The following DDAH1 variants were observed in gnomAD, a reference collection of about 807,000 sequenced individuals.
The protein encoded by DDAH1 is N(G),N(G)-dimethylarginine dimethylaminohydrolase 1.
Under a neutral mutation model 28.8 loss-of-function variants are expected in DDAH1, and 19 were observed. The observed-to-expected ratio is 0.66, with a 90% CI of 0.46 to 0.97. The LOEUF (loss-of-function observed/expected upper bound fraction) is 0.97, where lower values mean the gene tolerates loss of function less well. Among genes scored for constraint, DDAH1 ranks in the 50% least tolerant of loss-of-function variants. DDAH1 has a pLI of 0.00. For synonymous variants in DDAH1, 153 were observed against 154.4 expected (o/e 0.99, Z 0.07); for missense variants, 326 against 375.9 (o/e 0.87, Z 1.10).
chr1:85,385,242 A>T (rs1390645349), intron 1 of DDAH1, among the ~76,000 whole-genome samples: 1 of 152,226 alleles, frequency 6.6e-6, no homozygotes, highest in Non-Finnish European at 1.5e-5. Flanking sequence ...GAAACACAGA[A>T]CCATAGCTAT....
chr1:85,484,725 C>T (rs751268124), intron 2 of DDAH1, among the ~76,000 whole-genome samples: 2 of 152,096 alleles, frequency 1.3e-5, no homozygotes, highest in Non-Finnish European at 2.9e-5. Flanking sequence ...CACATTAATC[C>T]CTAAAAATAA....
intron 1 of DDAH1, among the ~76,000 whole-genome samples, chr1:85,519,517 G>C (rs1433004211): frequency 1.3e-5 from 2 of 152,098 alleles, no homozygotes; most frequent in South Asian, 2.1e-4. Flanking sequence ...AAGACAAATA[G>C]AATGTTTATT....
intron 1 of DDAH1, among the ~76,000 whole-genome samples, chr1:85,540,317 T>A (rs1185497746): frequency 1.3e-5 from 2 of 152,176 alleles, no homozygotes; most frequent in Non-Finnish European, 2.9e-5. Context: ...GCCTTGGCGT[T>A]GATTTCTGCT....
At chr1:85,398,962 T>A (rs950596311) in intron 1 of DDAH1, 1 of 152,202 alleles carries the variant, frequency 6.6e-6, no homozygotes, top group African/African-American at 2.4e-5. Context: ...GTACTAGTGA[T>A]CTCTTTTATA....
chr1:85,391,625 C>T (rs574942023), intron 1 of DDAH1, among the ~76,000 whole-genome samples: 1 of 152,306 alleles, frequency 6.6e-6, no homozygotes, highest in Non-Finnish European at 1.5e-5. Flanking sequence ...TATTACCTGA[C>T]AAGCCCTGCC....
chr1:85,488,447 T>G (rs1656278887), intron 2 of DDAH1: 1 of 152,102 alleles, frequency 6.6e-6, no homozygotes, highest in South Asian at 2.1e-4. Flanking sequence ...ATAAAGGCAC[T>G]AATCACATCA....
intron 1 of DDAH1, among the ~76,000 whole-genome samples, chr1:85,441,315 G>A (rs1277303255): frequency 6.6e-6 from 1 of 152,166 alleles, no homozygotes; most frequent in Non-Finnish European, 1.5e-5. Context: ...GGACAAGGCA[G>A]GCAGGTCACG....
chr1:85,330,769 G>C (rs1647712500), intron 4 of DDAH1, among the ~76,000 whole-genome samples: 1 of 152,204 alleles, frequency 6.6e-6, no homozygotes, highest in South Asian at 2.1e-4. Context: ...AGATCAATTG[G>C]TGGTCAGCTC....
chr1:85,409,803 AAATC>A (rs1652564304), intron 1 of DDAH1, among the ~76,000 whole-genome samples: 1 of 152,192 alleles, frequency 6.6e-6, no homozygotes, highest in African/African-American at 2.4e-5. Flanking sequence ...TATTAGTTAA[AAATC>A]AATTGTGAAG....
chr1:85,497,356 C>T (rs190238536), intron 1 of DDAH1, among the ~76,000 whole-genome samples: 3 of 152,242 alleles, frequency 2.0e-5, no homozygotes, highest in East Asian at 1.9e-4. Flanking sequence ...TTTCCAAAGG[C>T]GAGGGACTAC....
At chr1:85,349,598 C>T (rs754958592) in intron 4 of DDAH1, among the ~76,000 whole-genome samples, 1 of 152,200 alleles carries the variant, frequency 6.6e-6, no homozygotes, top group Non-Finnish European at 1.5e-5. Flanking sequence ...CTAGTTTTCT[C>T]ATCTGCAAAA....
intron 1 of DDAH1, among the ~76,000 whole-genome samples, chr1:85,369,214 A>C: frequency 6.7e-6 from 1 of 148,238 alleles, no homozygotes. Flanking sequence ...GTGTGTGCCC[A>C]ATGGCCAATT....
chr1:85,366,098 A>G (rs1255321409), intron 1 of DDAH1, among the ~76,000 whole-genome samples: 7 of 121,968 alleles, frequency 5.7e-5, no homozygotes, highest in Non-Finnish European at 1.0e-4. Flanking sequence ...GATAGCTGGT[A>G]AAAAAAAAAA....
chr1:85,565,061 G>A lies in DDAH1; in HGVS notation c.-123+12923C>T, dbSNP rs201582039. On this transcript the variant is annotated intron_variant, in intron 1 of 6. Transcript: ENST00000426972. ...AATACAAAAAAAAAAGATTAGTTGAGTGTGGTGGCACACACTTATAGTCCC... is the reference window on the plus strand; with the variant it reads ...AATACAAAAAAAAAAGATTAGTTGAATGTGGTGGCACACACTTATAGTCCC... Among the ~76,000 whole-genome samples, 108 of 151,642 alleles carry A rather than the reference G, an allele frequency of 7.1e-4. No individual in the cohort carries two copies. The East Asian group carries it at 0.019, about 26-fold the overall frequency.
At chr1:85,342,364 T>G (rs1648549110) in intron 4 of DDAH1, among the ~76,000 whole-genome samples, 1 of 151,590 alleles carries the variant, frequency 6.6e-6, no homozygotes. Flanking sequence ...TAAGATCAGG[T>G]CCTGTTGTTA....
intron 1 of DDAH1, among the ~76,000 whole-genome samples, chr1:85,376,476 G>C (rs1650672328): frequency 6.6e-6 from 1 of 152,056 alleles, no homozygotes; most frequent in South Asian, 2.1e-4. Flanking sequence ...ATCCATCTTA[G>C]AGCTTTAGAA....
chr1:85,472,894 G>A (rs536036578), intron 2 of DDAH1, among the ~76,000 whole-genome samples: 2 of 152,026 alleles, frequency 1.3e-5, no homozygotes, highest in Non-Finnish European at 2.9e-5. Context: ...TTTGGAGTCC[G>A]CAGTTTCTGT....
chr1:85,523,982 AT>A (rs1234887175), intron 1 of DDAH1, among the ~76,000 whole-genome samples: 1 of 151,752 alleles, frequency 6.6e-6, no homozygotes, highest in Non-Finnish European at 1.5e-5. Flanking sequence ...CCTCACACTT[AT>A]TGAGTATCTA....
chr1:85,553,212 T>C (rs1031305093), intron 1 of DDAH1, among the ~76,000 whole-genome samples: 3 of 152,102 alleles, frequency 2.0e-5, no homozygotes, highest in Admixed American at 1.3e-4. Context: ...TGGGTACCAA[T>C]AAGTGACCTT....
Sources: allele counts gnomAD v4.1 joint callset (sites outside exome capture counted in the v4.1 genomes callset), GRCh38; gene constraint gnomAD v4.1.1; transcripts MANE v1.5; gene names NCBI Gene and HGNC (gene_info 2026-07-23, HGNC 2026-07-21).